MEF2A: variants seen among roughly 807,000 people sequenced by gnomAD.
The protein encoded by MEF2A is myocyte-specific enhancer factor 2A.
A neutral mutation model predicts 55.8 loss-of-function variants in MEF2A; 28 were observed. That is an observed-to-expected ratio of 0.50 (90% CI 0.37 to 0.69). MEF2A has a LOEUF of 0.69. Among genes scored for constraint, MEF2A ranks in the 30% least tolerant of loss-of-function variants. The pLI, the probability that MEF2A is intolerant of heterozygous loss-of-function variation, is 0.00. For synonymous variants in MEF2A, 239 were observed against 227.1 expected, an observed-to-expected ratio of 1.05 and a Z score of -0.47; for missense variants, 528 against 626.2, an observed-to-expected ratio of 0.84 and a Z score of 1.67.
At chr15:99,711,840 C>G (rs2058670154) in intron 11 of MEF2A, among the ~76,000 whole-genome samples, 1 of 152,218 alleles carries the variant, frequency 6.6e-6, no homozygotes, top group African/African-American at 2.4e-5. Flanking sequence ...AAAAATAGTC[C>G]TGGAAAAGCA....
chr15:99,646,911 A>G (rs975081520), intron 4 of MEF2A, among the ~76,000 whole-genome samples: 1 of 152,138 alleles, frequency 6.6e-6, no homozygotes, highest in African/African-American at 2.4e-5. Context: ...AAGGTATAGC[A>G]TAATTACAGC....
At chr15:99,623,873 T>C (rs1465672861) in intron 2 of MEF2A, among the ~76,000 whole-genome samples, 4 of 151,360 alleles carry the variant, frequency 2.6e-5, no homozygotes. Context: ...AATGGTGCGA[T>C]CATGGCTCAC....
chr15:99,681,304 TATC>T (rs1324120849), intron 7 of MEF2A, among the ~76,000 whole-genome samples: 8 of 152,296 alleles, frequency 5.3e-5, no homozygotes, highest in South Asian at 2.1e-4. Flanking sequence ...AGGTGAAAGA[TATC>T]ATGAAGAAAG....
chr15:99,673,594 G>A (rs998679131), intron 5 of MEF2A, among the ~76,000 whole-genome samples: 1 of 151,986 alleles, frequency 6.6e-6, no homozygotes, highest in Admixed American at 6.5e-5. Context: ...TATATTTATC[G>A]TGGTTAACAA....
intron 2 of MEF2A, among the ~76,000 whole-genome samples, chr15:99,600,480 C>G (rs1596379913): frequency 6.6e-6 from 1 of 152,106 alleles, no homozygotes; most frequent in Admixed American, 6.5e-5. Flanking sequence ...GAAGGTTTGT[C>G]ATAGGGATTA....
At chr15:99,654,866 T>G (rs2047450334) in intron 4 of MEF2A, among the ~76,000 whole-genome samples, 1 of 152,192 alleles carries the variant, frequency 6.6e-6, no homozygotes, top group East Asian at 1.9e-4. Context: ...CTGAAAAACC[T>G]GAGTTTTTAA....
At chr15:99,584,103 C>T (rs945576686) in intron 1 of MEF2A, among the ~76,000 whole-genome samples, 4 of 151,968 alleles carry the variant, frequency 2.6e-5, no homozygotes, top group Admixed American at 1.3e-4. Flanking sequence ...GGAAAGGGTA[C>T]AGTAAAAATA....
chr15:99,607,973 T>C (rs1047789282), intron 2 of MEF2A, among the ~76,000 whole-genome samples: 1 of 152,200 alleles, frequency 6.6e-6, no homozygotes, highest in Non-Finnish European at 1.5e-5. Context: ...CTTGCTGTGC[T>C]TTGTAGAAAT....
intron 4 of MEF2A, among the ~76,000 whole-genome samples, chr15:99,660,370 T>G (rs1369719325): frequency 6.6e-6 from 1 of 152,176 alleles, no homozygotes; most frequent in African/African-American, 2.4e-5. Context: ...TAGCCTCCCC[T>G]GTGGTTAGGA....
At chr15:99,699,954 G>A (rs971832178) in intron 8 of MEF2A, among the ~76,000 whole-genome samples, 13 of 90,982 alleles carry the variant, frequency 1.4e-4, no homozygotes, top group Middle Eastern at 6.8e-3. Flanking sequence ...GAGTTTATAT[G>A]TGTGTGTGTG....
At chr15:99,638,457 T>C (rs1242733456) in intron 3 of MEF2A, among the ~76,000 whole-genome samples, 1 of 152,144 alleles carries the variant, frequency 6.6e-6, no homozygotes, top group African/African-American at 2.4e-5. Context: ...ACATTTCTTA[T>C]GTATTTTGTC....
intron 2 of MEF2A, among the ~76,000 whole-genome samples, chr15:99,608,848 T>C (rs2153172651): frequency 6.6e-6 from 1 of 151,850 alleles, no homozygotes; most frequent in South Asian, 2.1e-4. Context: ...TTGCAGTGAG[T>C]TGAGATCGTG....
At chr15:99,693,474 G>A (rs928743994) in intron 8 of MEF2A, among the ~76,000 whole-genome samples, 1 of 151,968 alleles carries the variant, frequency 6.6e-6, no homozygotes, top group Non-Finnish European at 1.5e-5. Flanking sequence ...CTCCTAGACT[G>A]CTAAAAGCAA....
chr15:99,678,750 A>G (rs1454534062), intron 7 of MEF2A: 2 of 866,366 alleles, frequency 2.3e-6, no homozygotes, highest in Non-Finnish European at 2.8e-6. Context: ...AAGAAAGTCT[A>G]ATGGAAAGAC....
chr15:99,672,662 T>C (rs2051112909), intron 5 of MEF2A, among the ~76,000 whole-genome samples: 1 of 152,214 alleles, frequency 6.6e-6, no homozygotes, highest in Non-Finnish European at 1.5e-5. Context: ...TTGGAAATGC[T>C]TGGGACTAGA....
intron 1 of MEF2A, among the ~76,000 whole-genome samples, chr15:99,593,937 T>A (rs749368154): frequency 2.0e-5 from 3 of 152,224 alleles, no homozygotes; most frequent in Non-Finnish European, 4.4e-5. Flanking sequence ...ACAAATTATT[T>A]TTTTTTTGTA....
At chr15:99,662,976 T>A (rs1208197919) in intron 4 of MEF2A, among the ~76,000 whole-genome samples, 1 of 152,230 alleles carries the variant, frequency 6.6e-6, no homozygotes, top group Non-Finnish European at 1.5e-5. Flanking sequence ...AACCATGCAT[T>A]TATACCTTTT....
intron 3 of MEF2A, among the ~76,000 whole-genome samples, chr15:99,636,157 C>T (rs2043795440): frequency 6.6e-6 from 1 of 152,018 alleles, no homozygotes; most frequent in African/African-American, 2.4e-5. Flanking sequence ...CTCACTTTTT[C>T]ATATTTTTAT....
rs1251893584 is a variant in MEF2A at position 99,594,534 on chromosome 15, ATCAAC to A, written c.-224-3890_-224-3886del. Among the ~76,000 whole-genome samples, 8 of 147,992 alleles carry A rather than the reference ATCAAC, an allele frequency of 5.4e-5. No individual in the cohort carries two copies. In the East Asian group the frequency reaches 1.6e-3, roughly 29 times the overall value. On this transcript the variant is annotated intron_variant, in intron 1 of 11. Coordinates refer to ENST00000557942, the MANE Select transcript of MEF2A (RefSeq NM_001319206.4). ...TTACATACATCATTGACCGTTGGTAATCAACTCAACCTTCAGTCTCTCTCCCCTCC... is the reference window on the plus strand; with the variant it reads ...TTACATACATCATTGACCGTTGGTAATCAACCTTCAGTCTCTCTCCCCTCC...
Sources: gnomAD v4.1 joint callset for allele counts (sites outside exome capture counted in the v4.1 genomes callset) on GRCh38, gnomAD v4.1.1 for gene constraint, MANE v1.5 for transcripts, NCBI Gene and HGNC (gene_info 2026-07-23, HGNC 2026-07-21) for gene names.